Variants in RUNX1T1 observed in about 807,000 individuals in gnomAD.
The protein encoded by RUNX1T1 is protein CBFA2T1.
A neutral mutation model predicts 62.8 loss-of-function variants in RUNX1T1; 4 were observed. The ratio of observed to expected loss-of-function variants is 0.06; its 90% CI spans 0.03 to 0.15. RUNX1T1 has a LOEUF of 0.15. Ranked by LOEUF, RUNX1T1 falls within the 10% of genes least tolerant of loss-of-function variation. The pLI is 1.00. For missense variants in RUNX1T1, 508 were observed against 754.3 expected (o/e 0.67, Z 3.82); for synonymous variants, 291 against 286.0 (o/e 1.02, Z -0.18).
chr8:92,051,610 TCTCTCTCTCTCTCA>T (rs1242774562), intron 1 of RUNX1T1, among the ~76,000 whole-genome samples: 5 of 149,998 alleles, frequency 3.3e-5, no homozygotes, highest in Admixed American at 2.6e-4. Flanking sequence ...ACACTCTCTC[TCTCTCTCTCTCTCA>T]CTCTCTCTCT....
chr8:91,955,495 T>C (rs1809224686), downstream of RUNX1T1: 2 of 225,942 alleles, frequency 8.9e-6, no homozygotes, highest in South Asian at 3.7e-4. Context: ...TTCTGATACC[T>C]AGTTTTTCCT....
intron 5 of RUNX1T1, among the ~76,000 whole-genome samples, chr8:92,001,869 C>G (rs1819820898): frequency 6.6e-6 from 1 of 152,148 alleles, no homozygotes; most frequent in Admixed American, 6.5e-5. Flanking sequence ...TAATTTTAAT[C>G]CATTCTGCAG....
At chr8:91,982,152 G>T (rs771458454) in intron 8 of RUNX1T1, among the ~76,000 whole-genome samples, 8 of 151,200 alleles carry the variant, frequency 5.3e-5, no homozygotes, top group Admixed American at 1.3e-4. Context: ...GGGGGCTGAG[G>T]TGGGAGCCCA....
chr8:92,072,234 A>G (rs1365154902), intron 2 of RUNX1T1, among the ~76,000 whole-genome samples: 1 of 152,194 alleles, frequency 6.6e-6, no homozygotes, highest in African/African-American at 2.4e-5. Context: ...CAAATTAAAC[A>G]TTTGTTGTGT....
intron 1 of RUNX1T1, among the ~76,000 whole-genome samples, chr8:92,060,547 ATATAT>A (rs1467340662): frequency 1.1e-4 from 11 of 102,780 alleles, no homozygotes; most frequent in Non-Finnish European, 1.7e-4. Context: ...ATATATATAT[ATATAT>A]ATGTGTGTGT....
chr8:91,958,035 C>T (rs1355703554), downstream of RUNX1T1: 2 of 215,244 alleles, frequency 9.3e-6, no homozygotes, highest in East Asian at 6.6e-5. Flanking sequence ...CTTAGGATTG[C>T]CTCTATGCAG....
chr8:92,062,047 G>C (rs1171760665), intron 1 of RUNX1T1, among the ~76,000 whole-genome samples: 1 of 152,134 alleles, frequency 6.6e-6, no homozygotes, highest in Non-Finnish European at 1.5e-5. Context: ...ACATCTAAGG[G>C]CTGTGATTTA....
intron 4 of RUNX1T1, 120 bp from the exon 6 acceptor site, chr8:92,005,417 G>T: frequency 1.2e-6 from 1 of 820,040 alleles, no homozygotes; most frequent in Non-Finnish European, 1.9e-6. Context: ...AAGGTCAAAT[G>T]CATGCCATGG....
chr8:91,981,240 T>C (rs572480871), intron 8 of RUNX1T1, among the ~76,000 whole-genome samples: 44 of 152,224 alleles, frequency 2.9e-4, no homozygotes, highest in Middle Eastern at 3.4e-3. Context: ...TCAGTCTTCA[T>C]GCTAGATTTC....
intron 1 of RUNX1T1, among the ~76,000 whole-genome samples, chr8:92,033,491 A>C (rs148673024): frequency 2.7e-3 from 418 of 152,256 alleles, no homozygotes; most frequent in African/African-American, 9.7e-3. Context: ...AGAACTTTCA[A>C]ATATATTGTC....
chr8:92,084,060 G>A (rs920904640), intron 1 of RUNX1T1, among the ~76,000 whole-genome samples: 1 of 152,044 alleles, frequency 6.6e-6, no homozygotes, highest in Non-Finnish European at 1.5e-5. Flanking sequence ...GAGAACACAT[G>A]GACACAGGGA....
intron 8 of RUNX1T1, chr8:91,979,672 G>C (rs570284968): frequency 1.6e-5 from 5 of 315,466 alleles, no homozygotes; most frequent in African/African-American, 4.3e-5. Context: ...CATCTATGAA[G>C]AGAGGAGACC....
At chr8:92,010,849 A>G in intron 4 of RUNX1T1, 153 bp downstream of exon 5, 2 of 509,276 alleles carry the variant, frequency 3.9e-6, no homozygotes, top group Non-Finnish European at 7.0e-6. Flanking sequence ...TTTTCAGACT[A>G]CTTAGGAAAT....
At chr8:92,008,380 T>TCACA (rs1821246802) in intron 4 of RUNX1T1, among the ~76,000 whole-genome samples, 1 of 85,414 alleles carries the variant, frequency 1.2e-5, no homozygotes, top group African/African-American at 5.0e-5. Flanking sequence ...TCTCTCTCTC[T>TCACA]CTCTCTCTCA....
At chr8:91,993,053 G>A (rs1248421849) in intron 5 of RUNX1T1, among the ~76,000 whole-genome samples, 2 of 152,246 alleles carry the variant, frequency 1.3e-5, no homozygotes, top group East Asian at 3.9e-4. Flanking sequence ...TCTTTAGACA[G>A]GTGGTAACAT....
At chr8:92,038,003 C>A (rs964913433) in intron 1 of RUNX1T1, among the ~76,000 whole-genome samples, 1 of 151,924 alleles carries the variant, frequency 6.6e-6, no homozygotes, top group African/African-American at 2.4e-5. Context: ...AGAATTTTCA[C>A]CCCTTTGTTT....
At chr8:92,090,610 A>AACTCTGATT (rs1216646153) in intron 1 of RUNX1T1, among the ~76,000 whole-genome samples, 1 of 152,232 alleles carries the variant, frequency 6.6e-6, no homozygotes, top group Non-Finnish European at 1.5e-5. Context: ...GCTAGAAGCC[A>AACTCTGATT]ACTCTGATTC....
At chr8:91,959,986 T>G (rs1025599302) in exon 11 of RUNX1T1, 1 of 518,728 alleles carries the variant, frequency 1.9e-6, no homozygotes, top group East Asian at 3.2e-5. Context: ...TCATGTTATA[T>G]TCTCTGCTCT....
chr8:92,094,395 A>T (rs1837482910), intron 1 of RUNX1T1, among the ~76,000 whole-genome samples: 1 of 152,224 alleles, frequency 6.6e-6, no homozygotes, highest in Admixed American at 6.5e-5. Flanking sequence ...GTGAGTCAAT[A>T]AGACATGTTT....
Sources: allele counts gnomAD v4.1 joint callset (sites outside exome capture counted in the v4.1 genomes callset), GRCh38; gene constraint gnomAD v4.1.1; transcripts MANE v1.5; gene names NCBI Gene and HGNC (gene_info 2026-07-23, HGNC 2026-07-21).